Variants in BLTP3A observed in about 807,000 individuals in gnomAD.
BLTP3A encodes ICBP90 binding protein 1.
chr6:34,804,916 T>C, the BLTP3A span, among the ~76,000 whole-genome samples: 1 of 152,178 alleles, frequency 6.6e-6, no homozygotes, highest in Non-Finnish European at 1.5e-5. Context: ...TATTTGACCT[T>C]TCTATGCCTC....
At chr6:34,837,177 A>G in the BLTP3A span, among the ~76,000 whole-genome samples, 2 of 152,224 alleles carry the variant, frequency 1.3e-5, no homozygotes, top group South Asian at 2.1e-4. Context: ...TGATGCTTAT[A>G]TATGATATTA....
At chr6:34,812,258 G>A in the BLTP3A span, among the ~76,000 whole-genome samples, 1 of 151,838 alleles carries the variant, frequency 6.6e-6, no homozygotes, top group African/African-American at 2.4e-5. Context: ...GAACCCAGGA[G>A]GTGGAGGTTG....
chr6:34,857,615 C>T, the BLTP3A span: 39 of 1,445,594 alleles, frequency 2.7e-5, no homozygotes, highest in Non-Finnish European at 3.6e-5. Context: ...ACACTCTGCC[C>T]TGTATAAATG....
the BLTP3A span, among the ~76,000 whole-genome samples, chr6:34,828,935 G>C: frequency 6.9e-6 from 1 of 145,912 alleles, no homozygotes. Flanking sequence ...GCTGAGGCAG[G>C]AGAATTGCTT....
At chr6:34,803,138 C>T in the BLTP3A span, among the ~76,000 whole-genome samples, 2 of 151,526 alleles carry the variant, frequency 1.3e-5, no homozygotes, top group Non-Finnish European at 2.9e-5. Flanking sequence ...GAGCTGTGAT[C>T]GCGCCACTGC....
the BLTP3A span, among the ~76,000 whole-genome samples, chr6:34,868,749 G>A: frequency 1.3e-5 from 2 of 150,938 alleles, no homozygotes; most frequent in African/African-American, 2.4e-5. Context: ...AAATTAGCTC[G>A]GTGTGGCGGT....
chr6:34,858,671 A>G, the BLTP3A span: 35 of 1,614,094 alleles, frequency 2.2e-5, 1 homozygote, highest in Admixed American at 5.5e-4. Flanking sequence ...TCTATGTCCC[A>G]TCCGCGGTCA....
the BLTP3A span, among the ~76,000 whole-genome samples, chr6:34,793,977 A>G: frequency 6.6e-6 from 1 of 152,006 alleles, no homozygotes. Flanking sequence ...CCCAGCCAAC[A>G]TGATGAAACC....
chr6:34,856,310 G>T, the BLTP3A span: 13 of 1,614,168 alleles, frequency 8.1e-6, no homozygotes, highest in South Asian at 1.1e-5. Context: ...CCAGAAGCTG[G>T]TGATGGAATT....
At chr6:34,867,300 T>C in the BLTP3A span, 7 of 1,614,206 alleles carry the variant, frequency 4.3e-6, no homozygotes, top group Non-Finnish European at 5.9e-6. Context: ...GGGAGCCCTC[T>C]TGTGAATAAT....
At chr6:34,858,761 A>T in the BLTP3A span, 18 of 1,614,084 alleles carry the variant, frequency 1.1e-5, no homozygotes, top group African/African-American at 2.1e-4. Flanking sequence ...AGTGGTATGG[A>T]CAACAAAGGG....
the BLTP3A span, among the ~76,000 whole-genome samples, chr6:34,802,412 C>T: frequency 6.6e-6 from 1 of 151,112 alleles, no homozygotes; most frequent in African/African-American, 2.4e-5. Context: ...CCATGTTGCC[C>T]AGGCTGGAGT....
At chr6:34,863,880 T>A in the BLTP3A span, 2 of 910,534 alleles carry the variant, frequency 2.2e-6, no homozygotes, top group Admixed American at 5.9e-5. Flanking sequence ...CAAAGTTGTA[T>A]GTTCCTAATA....
chr6:34,863,090 A>G, the BLTP3A span, among the ~76,000 whole-genome samples: 8 of 151,954 alleles, frequency 5.3e-5, no homozygotes, highest in South Asian at 1.7e-3. Context: ...ATTTTTTTGT[A>G]GAGACCAGGT....
At chr6:34,804,939 T>C in the BLTP3A span, among the ~76,000 whole-genome samples, 3 of 152,170 alleles carry the variant, frequency 2.0e-5, no homozygotes, top group Non-Finnish European at 4.4e-5. Context: ...TTTTCTCATA[T>C]ATAAAGTGGC....
the BLTP3A span, chr6:34,871,543 A>T: frequency 8.2e-6 from 13 of 1,588,750 alleles, no homozygotes; most frequent in Non-Finnish European, 1.1e-5. Flanking sequence ...AATTGCTCTG[A>T]GCTGGTGGGG....
chr6:34,821,438 TTGTTCTGG>T, the BLTP3A span: 1 of 508,960 alleles, frequency 2.0e-6, no homozygotes, highest in Non-Finnish European at 3.5e-6. Context: ...CTGAGTGCAT[TTGTTCTGG>T]CTGGTCTGAG....
the BLTP3A span, chr6:34,836,226 A>G: frequency 4.3e-6 from 7 of 1,614,050 alleles, no homozygotes; most frequent in Non-Finnish European, 2.5e-6. Flanking sequence ...GGCAACAGCA[A>G]CAGCAGCAGC....
the BLTP3A span, chr6:34,872,185 G>GTCAAA: frequency 2.6e-6 from 3 of 1,162,094 alleles, no homozygotes; most frequent in Non-Finnish European, 3.6e-6. Context: ...GAAAAGATAT[G>GTCAAA]GTTATCTTAA....
Sources: gnomAD v4.1 joint callset for allele counts (sites outside exome capture counted in the v4.1 genomes callset) on GRCh38, gnomAD v4.1.1 for gene constraint, MANE v1.5 for transcripts, NCBI Gene and HGNC (gene_info 2026-07-23, HGNC 2026-07-21) for gene names.